Variants in EXTL3 observed in about 807,000 individuals in gnomAD.
The protein encoded by EXTL3 is exostosin like glycosyltransferase 3, also known as exostosin-like 3.
In EXTL3, 27 loss-of-function variants were observed where a neutral mutation model predicts 69.3. The ratio of observed to expected loss-of-function variants is 0.39; its 90% CI spans 0.29 to 0.54. The LOEUF is 0.54. Ranked by LOEUF, EXTL3 falls within the 20% of genes least tolerant of loss-of-function variation. The pLI, the probability that EXTL3 is intolerant of heterozygous loss-of-function variation, is 0.69. For synonymous variants in EXTL3, 511 were observed against 499.4 expected (o/e 1.02, Z -0.31); for missense variants, 1,003 against 1,231.8 (o/e 0.81, Z 2.78).
chr8:28,704,757 G>A (rs757376946), intron 1 of EXTL3, among the ~76,000 whole-genome samples: 4 of 151,420 alleles, frequency 2.6e-5, no homozygotes, highest in Non-Finnish European at 5.9e-5. Context: ...GCAAACTTCC[G>A]CCTCCCAGGT....
chr8:28,657,399 T>G (rs1222450706), intron 1 of EXTL3, among the ~76,000 whole-genome samples: 1 of 152,252 alleles, frequency 6.6e-6, no homozygotes, highest in East Asian at 1.9e-4. Context: ...TTTCTTACTC[T>G]GGCACCTTGG....
intron 6 of EXTL3, among the ~76,000 whole-genome samples, chr8:28,745,159 T>G (rs181440687): frequency 1.1e-4 from 17 of 150,382 alleles, no homozygotes; most frequent in Non-Finnish European, 2.4e-4. Context: ...GGCGTGTCTG[T>G]GAATAGCCAC....
In EXTL3 at chr8:28,731,229, C is replaced by T. The variant is rs772090228; in HGVS notation, c.2155C>T (p.Arg719Cys). 8.1e-6 allele frequency: 13 copies of T among 1,613,928 alleles called. No individual in the cohort carries two copies. The highest frequency in any genetic ancestry group is 5.3e-5 in the African/African-American group (4 of 74,862). The change falls in exon 4 of 7, where the codon CGT becomes TGT. Residue 719 changes from arginine to cysteine, a missense_variant. This residue lies in a region of EXTL3 where 261 missense variants were observed against 416.4 expected (regional missense o/e 0.63). Transcript: ENST00000220562. The stretch of plus-strand genomic sequence containing the variant: ...TTTTCCTTCCTCATCACAGGTGGTC[C>T]GTACTGAGAAGAACAGTTTGAACAA... ...PDIGVPIMVV[R>C]TEKNSLNNRF...
At chr8:28,679,888 C>T (rs1191747153) in intron 1 of EXTL3, among the ~76,000 whole-genome samples, 2 of 152,150 alleles carry the variant, frequency 1.3e-5, no homozygotes, top group African/African-American at 4.8e-5. Flanking sequence ...GTTCTTGCAT[C>T]AAGAAGCTGT....
At chr8:28,693,364 G>T (rs1268977202) in intron 1 of EXTL3, among the ~76,000 whole-genome samples, 1 of 152,036 alleles carries the variant, frequency 6.6e-6, no homozygotes, top group Non-Finnish European at 1.5e-5. Context: ...TGGCCAGTGT[G>T]GTCTCAAACT....
In EXTL3 at chr8:28,717,189, A is replaced by C; in HGVS notation, c.1130A>C (p.Asp377Ala). ...GGCGACCCTCCCGCCGACTACGATG[A>C]CCGGATCATTGCCACCCTGAAGGCG... is the stretch of plus-strand genomic sequence containing the variant. ...MEGDPPADYD[D>A]RIIATLKAVQ... Residue 377 changes from aspartate to alanine, a missense_variant, in exon 3 of 7, where the codon GAC becomes GCC. Asp to Ala is a moderately radical substitution (Grantham distance 126, BLOSUM62 -2). This residue lies in a region of EXTL3 where 742 missense variants were observed against 815.4 expected (regional missense o/e 0.91). Transcript: ENST00000220562. This position sits in a 1 kb window ranked among gnomAD's most constrained non-coding sequence, Gnocchi z 8.3. 1 of 1,614,218 alleles carries C rather than the reference A, an allele frequency of 6.2e-7. No individual in the cohort carries two copies. The highest frequency in any genetic ancestry group is 8.5e-7 in the Non-Finnish European group (1 of 1,180,038).
intron 1 of EXTL3, among the ~76,000 whole-genome samples, chr8:28,669,351 A>C (rs1013144553): frequency 2.0e-5 from 3 of 152,236 alleles, no homozygotes; most frequent in Non-Finnish European, 4.4e-5. Context: ...AGTTACCTAC[A>C]TCAGTACTTA....
intron 1 of EXTL3, among the ~76,000 whole-genome samples, chr8:28,661,228 G>T (rs1807109874): frequency 6.6e-6 from 1 of 151,894 alleles, no homozygotes; most frequent in South Asian, 2.1e-4. Flanking sequence ...ATACAATAAA[G>T]TCTACCAATT....
rs532318332 is a variant in EXTL3 at position 28,648,086 on chromosome 8, A to G, written c.-53+25276A>G. 5.3e-5 allele frequency among the ~76,000 whole-genome samples: 8 copies of G among 152,210 alleles called. No homozygotes were observed. The South Asian group carries it at 1.2e-3, about 24-fold the overall frequency. ...CACAGTGTTGTATGAATATTGGATA[A>G]TGGATTGGTCCAGCACCTTTACTGT... On this transcript the variant is annotated intron_variant, in intron 1 of 6. Coordinates refer to the EXTL3 transcript ENST00000523149.
chr8:28,737,595 T>A lies in EXTL3; in HGVS notation c.2353T>A (p.Trp785Arg), dbSNP rs1354686883. 1.9e-6 allele frequency: 3 copies of A among 1,614,150 alleles called. No homozygotes were observed. The highest frequency in any genetic ancestry group is 2.5e-6 in the Non-Finnish European group (3 of 1,179,952). The part of the protein sequence containing the change: ...YHAWDIPHQS[W>R]LYNSNYSCEL... ...CGCATGGGACATCCCCCATCAGTCC[T>A]GGCTCTACAACTCCAACTACTCCTG... The change falls in exon 5 of 7, where the codon TGG (tryptophan) becomes AGG (arginine). Residue 785 changes from tryptophan to arginine, a missense_variant. By Grantham distance (101) the Trp-to-Arg change is moderately radical. Coordinates refer to ENST00000220562, the MANE Select transcript of EXTL3 (RefSeq NM_001440.4).
chr8:28,673,433 G>A (rs780818258), intron 1 of EXTL3, among the ~76,000 whole-genome samples: 1 of 152,184 alleles, frequency 6.6e-6, no homozygotes, highest in Non-Finnish European at 1.5e-5. Flanking sequence ...AAAAGGCAGA[G>A]GAAGAAGGAG....
At position 28,632,554 on chromosome 8, in the gene EXTL3, CTT is replaced by C. The variant is rs1172375819; in HGVS notation, c.-53+9761_-53+9762del. Among the ~76,000 whole-genome samples the C allele has an allele frequency of 3.8e-3, 477 of 126,564 alleles. 2 individuals carry two copies. Among genetic ancestry groups the C allele is most frequent in the African/African-American group, 0.012 (410 of 33,284 alleles). 83.0% of individuals were successfully genotyped at this position (126,564 alleles called of 152,430 possible). A position where few individuals can be genotyped will look rare whatever the true frequency, so the allele number is the denominator to read the frequency against. ...TTTTAACTGCATTATCTCATTTATT[CTT>C]TTTTTTTTTTTTTTTTGAGAGGAGT... On this transcript the variant is annotated intron_variant, in intron 1 of 6. Transcript: ENST00000523149.
At chr8:28,626,481 G>C (rs1016768719) in intron 1 of EXTL3, among the ~76,000 whole-genome samples, 1 of 152,210 alleles carries the variant, frequency 6.6e-6, no homozygotes, top group South Asian at 2.1e-4. Flanking sequence ...TTGGTGGAAC[G>C]TGTGGCCAAA....
chr8:28,608,287 G>A (rs1383819617), intron 2 of EXTL3, among the ~76,000 whole-genome samples: 1 of 152,002 alleles, frequency 6.6e-6, no homozygotes, highest in Admixed American at 6.6e-5. Context: ...CCACGCTCCT[G>A]TGACTCCTGC....
In EXTL3 at chr8:28,751,149, G is replaced by A. The variant is rs1161612149; in HGVS notation, c.*283G>A. The A allele has an allele frequency of 2.1e-6, 1 of 478,184 alleles. No homozygotes were observed. Among genetic ancestry groups the A allele is most frequent in the South Asian group, 2.7e-5 (1 of 36,366 alleles). 29.6% of individuals were successfully genotyped at this position (478,184 alleles called of 1,614,324 possible). A position where few individuals can be genotyped will look rare whatever the true frequency, so the allele number is the denominator to read the frequency against. On this transcript the variant is annotated 3_prime_UTR_variant, in exon 7 of 7. Transcript: ENST00000220562. Reference sequence around the variant, plus strand: ...CTCTGCAGAGTCACTCACACCGTTCGTACGCCCAGGACAGCTGGTTCGTGG... The same window carrying A: ...CTCTGCAGAGTCACTCACACCGTTCATACGCCCAGGACAGCTGGTTCGTGG...
intron 1 of EXTL3, among the ~76,000 whole-genome samples, chr8:28,648,479 A>G (rs1026113249): frequency 6.6e-6 from 1 of 152,240 alleles, no homozygotes. Flanking sequence ...AGTATTCAGA[A>G]AAGTATGAAG....
At chr8:28,743,760 T>A (rs1004710128) in intron 6 of EXTL3, among the ~76,000 whole-genome samples, 1 of 152,196 alleles carries the variant, frequency 6.6e-6, no homozygotes, top group African/African-American at 2.4e-5. Context: ...GTATTGTAGT[T>A]TATATACCTA....
Position 28,670,507 on chromosome 8 carries a change from C to T in EXTL3, c.-52-42950C>T, listed in dbSNP as rs149580576. Among the ~76,000 whole-genome samples the T allele has an allele frequency of 1.1e-3, 163 of 152,224 alleles. 1 individual carries two copies. Among genetic ancestry groups the T allele is most frequent in the African/African-American group, 3.8e-3 (159 of 41,516 alleles). On this transcript the variant is annotated intron_variant, in intron 1 of 6. Coordinates refer to the EXTL3 transcript ENST00000523149. ...AAATTCTAGTTCGAAAACCAGCAGGCTTGAGACTCAAGAAGAGCTGATGTG... is the reference window on the plus strand; with the variant it reads ...AAATTCTAGTTCGAAAACCAGCAGGTTTGAGACTCAAGAAGAGCTGATGTG...
rs1491392810 is a variant in EXTL3 at position 28,668,866 on chromosome 8, T to TC, written c.-52-44591_-52-44590insC. On this transcript the variant is annotated intron_variant, in intron 1 of 6. Coordinates refer to the EXTL3 transcript ENST00000523149. ...CCCCTGCCTCCTTTGATAGAATCTC[T>TC]TTTTTTTTTTTTTTTGAGACAGAGT... is the stretch of plus-strand genomic sequence containing the variant. 1.7e-4 allele frequency among the ~76,000 whole-genome samples: 4 copies of TC among 23,238 alleles called. No homozygotes were observed. In the African/African-American group the frequency reaches 1.8e-3, roughly 11 times the overall value. The allele number at this position is 23,238 out of a possible 152,430, so 15.2% of individuals were successfully genotyped here.
Sources: gnomAD v4.1 joint callset for allele counts (sites outside exome capture counted in the v4.1 genomes callset) on GRCh38, gnomAD v4.1.1 for gene constraint, gnomAD v4.1.1 regional missense constraint, Gnocchi (gnomAD v3.1) non-coding constraint, MANE v1.5 for transcripts, NCBI Gene and HGNC (gene_info 2026-07-23, HGNC 2026-07-21) for gene names.